The following LEKR1 variants were observed in gnomAD, a reference collection of about 807,000 sequenced individuals.
The protein encoded by LEKR1 is leucine, glutamate and lysine rich 1.
Under a neutral mutation model 72.4 loss-of-function variants are expected in LEKR1, and 59 were observed. The observed-to-expected ratio is 0.82, with a 90% confidence interval of 0.66 to 1.01. LEKR1 has a LOEUF of 1.01. LEKR1 is among the 50% of genes least tolerant of loss of function. The pLI is 0.00. For missense variants in LEKR1, 728 were observed against 759.2 expected (o/e 0.96, Z 0.48); for synonymous variants, 257 against 263.2 (o/e 0.98, Z 0.23).
chr3:157,013,317 T>C (rs751988974), intron 10 of LEKR1, among the ~76,000 whole-genome samples: 21 of 152,134 alleles, frequency 1.4e-4, no homozygotes, highest in Admixed American at 5.2e-4. Flanking sequence ...TACACTTCAC[T>C]GGAGAAAAGG....
intron 6 of LEKR1, among the ~76,000 whole-genome samples, chr3:156,957,644 T>C (rs1727765790): frequency 6.6e-6 from 1 of 152,082 alleles, no homozygotes; most frequent in Non-Finnish European, 1.5e-5. Context: ...AAACGTACAG[T>C]GTAGATCAGT....
At chr3:156,979,428 A>C (rs1482045017) in intron 7 of LEKR1, 153 bp downstream of exon 7, 2 of 325,496 alleles carry the variant, frequency 6.1e-6, no homozygotes, top group Non-Finnish European at 1.2e-5. Context: ...GTAATAGTTT[A>C]CTGCTGCTTT....
intron 9 of LEKR1, 47 bp from the exon 10 acceptor site, chr3:157,011,366 G>A (rs1314416877): frequency 8.0e-7 from 1 of 1,254,572 alleles, no homozygotes; most frequent in East Asian, 2.3e-5. Flanking sequence ...CTTAGGAATT[G>A]TGTTAGGGGT....
At chr3:156,977,586 G>T (rs1214193779) in intron 6 of LEKR1, 1 of 303,736 alleles carries the variant, frequency 3.3e-6, no homozygotes, top group South Asian at 3.9e-5. Flanking sequence ...ATGTGATTAT[G>T]ACATATGCAA....
At chr3:157,030,277 T>A (rs1468662011) in intron 12 of LEKR1, among the ~76,000 whole-genome samples, 1 of 152,028 alleles carries the variant, frequency 6.6e-6, no homozygotes, top group African/African-American at 2.4e-5. Context: ...TTCAAACACC[T>A]CCCACTAGGC....
chr3:156,848,828 G>A (rs915219304), intron 2 of LEKR1, among the ~76,000 whole-genome samples: 2 of 152,064 alleles, frequency 1.3e-5, no homozygotes, highest in African/African-American at 4.8e-5. Flanking sequence ...GGATACCAGT[G>A]GCAGTAACTA....
intron 12 of LEKR1, among the ~76,000 whole-genome samples, chr3:157,033,295 G>A (rs929816894): frequency 1.3e-5 from 2 of 152,200 alleles, no homozygotes; most frequent in African/African-American, 4.8e-5. Context: ...GTTGAGATAA[G>A]CCAGAAGCTA....
chr3:157,028,372 G>A lies in LEKR1; in HGVS notation c.1638G>A (p.Leu546=). ...LKRVMLAQTQ[L]IEQFNQSQEE... is the part of the protein sequence containing the mutation. The stretch of plus-strand genomic sequence containing the variant: ...GAGTAATGCTGGCTCAAACACAACT[G>A]ATAGAGCAATTTAACCAGTCCCAGG... The change falls in exon 12 of 13, where the codon CTG becomes CTA. Residue 546 remains leucine, a synonymous_variant. Transcript: ENST00000356539. 1 of 1,608,548 alleles carries A rather than the reference G, an allele frequency of 6.2e-7. No homozygotes were observed. The highest frequency in any genetic ancestry group is 8.5e-7 in the Non-Finnish European group (1 of 1,177,320).
intron 2 of LEKR1, among the ~76,000 whole-genome samples, chr3:156,835,718 A>G (rs1042342459): frequency 1.3e-5 from 2 of 152,046 alleles, no homozygotes; most frequent in Admixed American, 6.6e-5. Flanking sequence ...CCCTAAGAGT[A>G]TATCTCTTAC....
At chr3:156,837,828 A>G (rs955995082) in intron 2 of LEKR1, among the ~76,000 whole-genome samples, 4 of 152,214 alleles carry the variant, frequency 2.6e-5, no homozygotes, top group African/African-American at 7.2e-5. Context: ...TTTTGCCGGC[A>G]TGCTAGCTTT....
intron 5 of LEKR1, among the ~76,000 whole-genome samples, chr3:156,931,415 C>A (rs953711509): frequency 1.3e-5 from 2 of 152,056 alleles, no homozygotes; most frequent in Non-Finnish European, 2.9e-5. Context: ...TTGCTACAGC[C>A]ACTTAGAGAA....
At chr3:156,858,939 T>C (rs1464146655) in intron 3 of LEKR1, among the ~76,000 whole-genome samples, 1 of 152,228 alleles carries the variant, frequency 6.6e-6, no homozygotes, top group Non-Finnish European at 1.5e-5. Flanking sequence ...GAGGAATGTT[T>C]TTAAATTTCT....
chr3:156,891,916 T>C (rs1720703278), intron 3 of LEKR1, among the ~76,000 whole-genome samples: 1 of 151,980 alleles, frequency 6.6e-6, no homozygotes, highest in Admixed American at 6.6e-5. Flanking sequence ...GACAGAGAAA[T>C]TGAATTGCAA....
At position 157,022,187 on chromosome 3, in the gene LEKR1, G is replaced by A. The variant is rs1733892779; in HGVS notation, c.1204-2573G>A. ...TGGCATGAGACTGTTTTCATCTAAG[G>A]ATGGGGTGCTTTGTCAGTTTACACA... On this transcript the variant is annotated intron_variant, in intron 10 of 12. Coordinates refer to ENST00000356539, the MANE Select transcript of LEKR1 (RefSeq NM_001004316.3). Among the ~76,000 whole-genome samples, 3 of 152,282 alleles carry A rather than the reference G, an allele frequency of 2.0e-5. No individual in the cohort carries two copies. The South Asian group carries it at 6.2e-4, about 32-fold the overall frequency.
chr3:156,943,985 A>T (rs1313748583), intron 6 of LEKR1, among the ~76,000 whole-genome samples: 1 of 151,774 alleles, frequency 6.6e-6, no homozygotes, highest in Non-Finnish European at 1.5e-5. Context: ...ATTTTATAGC[A>T]AATTTTATAC....
chr3:157,038,111 A>T (rs1735092753), intron 12 of LEKR1, among the ~76,000 whole-genome samples: 3 of 152,202 alleles, frequency 2.0e-5, no homozygotes, highest in Admixed American at 1.3e-4. Flanking sequence ...TTAGAGGATA[A>T]CTGACTTCTG....
At chr3:156,933,922 T>G (rs1725473664) in intron 5 of LEKR1, among the ~76,000 whole-genome samples, 1 of 152,190 alleles carries the variant, frequency 6.6e-6, no homozygotes, top group Non-Finnish European at 1.5e-5. Flanking sequence ...GAATGTGACC[T>G]GTGGCCATGA....
chr3:156,936,079 G>T (rs989290120), intron 5 of LEKR1, among the ~76,000 whole-genome samples: 28 of 152,078 alleles, frequency 1.8e-4, no homozygotes, highest in Admixed American at 7.9e-4. Flanking sequence ...ATTTCTAGTT[G>T]TCTTTATTAT....
chr3:157,001,581 A>G (rs912911194), intron 9 of LEKR1, among the ~76,000 whole-genome samples: 3 of 152,322 alleles, frequency 2.0e-5, no homozygotes, highest in South Asian at 2.1e-4. Context: ...TAAAATAAAT[A>G]CTCTTAATTG....
Sources: gnomAD v4.1 joint callset for allele counts (sites outside exome capture counted in the v4.1 genomes callset) on GRCh38, gnomAD v4.1.1 for gene constraint, MANE v1.5 for transcripts, NCBI Gene and HGNC (gene_info 2026-07-23, HGNC 2026-07-21) for gene names.